The following MAML3 variants were observed in gnomAD, a reference collection of about 807,000 sequenced individuals.
MAML3 encodes mastermind-like protein 3.
A neutral mutation model predicts 101.9 loss-of-function variants in MAML3; 27 were observed. The observed-to-expected ratio is 0.27, with a 90% CI of 0.20 to 0.37. The LOEUF (loss-of-function observed/expected upper bound fraction) is 0.37, where lower values mean the gene tolerates loss of function less well. Among genes scored for constraint, MAML3 ranks in the 10% least tolerant of loss-of-function variants. The pLI, the probability that MAML3 is intolerant of heterozygous loss-of-function variation, is 1.00. For synonymous variants in MAML3, 501 were observed against 555.9 expected (o/e 0.90, Z 1.39); for missense variants, 1,316 against 1,444.9 (o/e 0.91, Z 1.45).
chr4:139,905,760 G>A (rs1732813310), intron 1 of MAML3, among the ~76,000 whole-genome samples: 1 of 152,158 alleles, frequency 6.6e-6, no homozygotes, highest in African/African-American at 2.4e-5. Context: ...CCCTCTGTCA[G>A]CACTCATTCC....
chr4:139,920,537 C>T (rs1207549845), intron 1 of MAML3, among the ~76,000 whole-genome samples: 3 of 152,224 alleles, frequency 2.0e-5, no homozygotes, highest in Non-Finnish European at 4.4e-5. Context: ...AAGAACTTTA[C>T]TATGAATTAC....
intron 1 of MAML3, among the ~76,000 whole-genome samples, chr4:139,997,897 G>T: frequency 6.6e-6 from 1 of 151,884 alleles, no homozygotes; most frequent in East Asian, 1.9e-4. Context: ...TGAGAAGCCA[G>T]CCATTCATCA....
rs113274639 is a variant in MAML3, at chr4:139,896,607, G to GGTGTGTGTGTGTGTGTGT, written c.469-5658_469-5641dup. On this transcript the variant is annotated intron_variant, in intron 1 of 4. Coordinates refer to ENST00000509479, the MANE Select transcript of MAML3 (RefSeq NM_018717.5). ...CTTGATGGCTTGTTTCTGTGAAACTGGTGTGTGTGTGTGTGTGTGTGTGTG... is the reference window on the plus strand; with the variant it reads ...CTTGATGGCTTGTTTCTGTGAAACTGGTGTGTGTGTGTGTGTGTGTGTGTGTGTGTGTGTGTGTGTGTG... Among the ~76,000 whole-genome samples the GGTGTGTGTGTGTGTGTGT allele has an allele frequency of 4.8e-3, 693 of 144,732 alleles. 8 individuals are homozygous for GGTGTGTGTGTGTGTGTGT. Among genetic ancestry groups the GGTGTGTGTGTGTGTGTGT allele is most frequent in the African/African-American group, 0.014 (549 of 38,312 alleles). The allele number at this position is 144,732 out of a possible 152,430, so 94.9% of individuals were successfully genotyped here.
chr4:140,034,145 A>G (rs958140993), intron 1 of MAML3, among the ~76,000 whole-genome samples: 1 of 152,236 alleles, frequency 6.6e-6, no homozygotes, highest in African/African-American at 2.4e-5. Flanking sequence ...GACAAGAATC[A>G]GGATGGAGGC....
Position 140,153,392 on chromosome 4 carries a change from T to C in MAML3, c.-65A>G, listed in dbSNP as rs1729213587. ...ATCCACCCCCCTATCAGCCTCCTCC[T>C]TGGGTCCAAGGATTAAAATAGTTTA... On this transcript the variant is annotated 5_prime_UTR_variant, in exon 1 of 5. Transcript: ENST00000509479. 6.8e-7 allele frequency: 1 copy of C among 1,477,864 alleles called. No individual in the cohort carries two copies. The highest frequency in any genetic ancestry group is 2.5e-5 in the Admixed American group (1 of 39,672). 91.5% of individuals were successfully genotyped at this position (1,477,864 alleles called of 1,614,324 possible).
intron 1 of MAML3, among the ~76,000 whole-genome samples, chr4:140,141,047 T>C (rs1306875361): frequency 6.6e-6 from 1 of 152,168 alleles, no homozygotes; most frequent in Non-Finnish European, 1.5e-5. Context: ...CAGACAACCT[T>C]TTCAAGAAGA....
intron 1 of MAML3, among the ~76,000 whole-genome samples, chr4:140,021,285 A>C (rs1468291590): frequency 6.6e-6 from 1 of 152,148 alleles, no homozygotes; most frequent in African/African-American, 2.4e-5. Context: ...TTAATTTTCT[A>C]CCTTTTAGAA....
intron 2 of MAML3, among the ~76,000 whole-genome samples, chr4:139,830,410 A>ATTTTTTTTTTTT (rs1157293904): frequency 5.8e-5 from 7 of 121,292 alleles, no homozygotes; most frequent in East Asian, 4.4e-4. Context: ...ACGCTGTGCT[A>ATTTTTTTTTTTT]TTTTTTTTTT....
intron 1 of MAML3, among the ~76,000 whole-genome samples, chr4:139,946,925 A>T (rs377209611): frequency 0.048 from 3,263 of 68,042 alleles, 47 homozygotes; most frequent in Middle Eastern, 0.066. Flanking sequence ...ACACACACAC[A>T]CTCTCTCTCT....
At chr4:140,057,369 T>A (rs2110931814) in intron 1 of MAML3, among the ~76,000 whole-genome samples, 1 of 152,316 alleles carries the variant, frequency 6.6e-6, no homozygotes, top group African/African-American at 2.4e-5. Flanking sequence ...AATCTTTTTG[T>A]CTTAAATCTT....
At chr4:139,927,070 TTC>T (rs1206052719) in intron 1 of MAML3, among the ~76,000 whole-genome samples, 2 of 90,792 alleles carry the variant, frequency 2.2e-5, no homozygotes, top group Non-Finnish European at 4.8e-5. Context: ...TTTTTCTTTT[TTC>T]TTTTTTTTTT....
intron 1 of MAML3, among the ~76,000 whole-genome samples, chr4:140,061,903 TCAGA>T (rs1213956013): frequency 6.6e-6 from 1 of 152,212 alleles, no homozygotes; most frequent in African/African-American, 2.4e-5. Context: ...CTACATTGAA[TCAGA>T]CAGTTGGTGT....
chr4:140,130,235 C>A (rs565622935), intron 1 of MAML3, among the ~76,000 whole-genome samples: 2 of 152,252 alleles, frequency 1.3e-5, no homozygotes, highest in East Asian at 3.9e-4. Flanking sequence ...TATGTAAACC[C>A]CAGGCCAAAA....
intron 2 of MAML3, among the ~76,000 whole-genome samples, chr4:139,748,899 C>T (rs537749332): frequency 6.6e-6 from 1 of 152,264 alleles, no homozygotes; most frequent in East Asian, 1.9e-4. Flanking sequence ...CGAAGAGAGC[C>T]TCTCTTAGGG....
intron 1 of MAML3, among the ~76,000 whole-genome samples, chr4:140,114,635 T>G (rs1368418972): frequency 6.6e-6 from 1 of 152,184 alleles, no homozygotes; most frequent in African/African-American, 2.4e-5. Context: ...TTAAGAAACT[T>G]TGGATTGTTC....
intron 1 of MAML3, among the ~76,000 whole-genome samples, chr4:139,962,328 C>A (rs1734034628): frequency 6.6e-6 from 1 of 152,156 alleles, no homozygotes; most frequent in Admixed American, 6.5e-5. Flanking sequence ...ACTAGTTAGA[C>A]AACTTGATCT....
At chr4:139,830,588 A>G (rs60257539) in intron 2 of MAML3, among the ~76,000 whole-genome samples, 5,779 of 150,842 alleles carry the variant, frequency 0.038, 391 homozygotes, top group African/African-American at 0.13. Context: ...CTAATTTTTT[A>G]TATTTTTAGT....
chr4:139,800,596 C>G (rs1321825212), intron 2 of MAML3, among the ~76,000 whole-genome samples: 2 of 152,182 alleles, frequency 1.3e-5, no homozygotes, highest in Admixed American at 6.5e-5. Flanking sequence ...GCTGCTCAGA[C>G]TTTAGCAACG....
intron 1 of MAML3, among the ~76,000 whole-genome samples, chr4:140,092,722 C>G (rs911346697): frequency 1.3e-5 from 2 of 152,264 alleles, no homozygotes; most frequent in African/African-American, 4.8e-5. Flanking sequence ...CGGGTGGAGC[C>G]CACACCTCAT....
Sources: gnomAD v4.1 joint callset for allele counts (sites outside exome capture counted in the v4.1 genomes callset) on GRCh38, gnomAD v4.1.1 for gene constraint, MANE v1.5 for transcripts, NCBI Gene and HGNC (gene_info 2026-07-23, HGNC 2026-07-21) for gene names.